GATAD1: variants seen among roughly 807,000 people sequenced by gnomAD.
GATAD1 encodes the protein GATA zinc finger domain containing 1.
Under a neutral mutation model 26.5 loss-of-function variants are expected in GATAD1, and 12 were observed. The ratio of observed to expected loss-of-function variants is 0.45; its 90% confidence interval spans 0.29 to 0.73. GATAD1 has a LOEUF of 0.73. Among genes scored for constraint, GATAD1 ranks in the 30% least tolerant of loss-of-function variants. GATAD1 has a pLI of 0.10. For missense variants in GATAD1, 266 were observed against 342.1 expected, an observed-to-expected ratio of 0.78 and a Z score of 1.75; for synonymous variants, 129 against 133.1, an observed-to-expected ratio of 0.97 and a Z score of 0.21.
chr7:92,468,312 G>T, the GATAD1 span: 1 of 175,508 alleles, frequency 5.7e-6, no homozygotes, highest in South Asian at 1.6e-4. Flanking sequence ...CTGCGGTGGC[G>T]GCAAACAGCA....
the GATAD1 span, among the ~76,000 whole-genome samples, chr7:92,482,349 G>A: frequency 1.2e-3 from 189 of 152,304 alleles, no homozygotes; most frequent in African/African-American, 4.3e-3. Flanking sequence ...CTACAGGGTG[G>A]ATAGGCAAAA....
Position 92,458,298 on chromosome 7 carries a change from A to G in GATAD1, c.*1736A>G, listed in dbSNP as rs1360551761. 1 of 152,226 alleles carries G rather than the reference A, an allele frequency of 6.6e-6. No homozygotes were observed. The highest frequency in any genetic ancestry group is 1.5e-5 in the Non-Finnish European group (1 of 68,024). 9.4% of individuals were successfully genotyped at this position (152,226 alleles called of 1,614,324 possible). A position where few individuals can be genotyped will look rare whatever the true frequency, so the allele number is the denominator to read the frequency against. On this transcript the variant is annotated 3_prime_UTR_variant, in exon 5 of 5. Transcript: ENST00000287957. ...ATACTGCAGATAGTCAGCTTCACCA[A>G]AGCCGCAGAGGAAACATGTCGAGAT...
the GATAD1 span, among the ~76,000 whole-genome samples, chr7:92,467,482 C>T: frequency 1.3e-5 from 2 of 152,208 alleles, no homozygotes; most frequent in African/African-American, 4.8e-5. Flanking sequence ...AGTGCCCATC[C>T]TAAATTTGGA....
At chr7:92,477,366 G>A in the GATAD1 span, 12 of 152,392 alleles carry the variant, frequency 7.9e-5, no homozygotes, top group African/African-American at 2.9e-4. Flanking sequence ...AGTGAAAGTG[G>A]TCCAATATTA....
chr7:92,452,980 T>C lies in GATAD1; in HGVS notation c.436-1522T>C, dbSNP rs1254433697. ...TATATGATAAATAACTTTGGACTGA[T>C]GGCTGGGAGGAAGGACCAGCTATTG... is the stretch of plus-strand genomic sequence containing the variant. On this transcript the variant is annotated intron_variant, in intron 3 of 4. Coordinates refer to ENST00000287957, the MANE Select transcript of GATAD1 (RefSeq NM_021167.5). Among the ~76,000 whole-genome samples, 3 of 152,220 alleles carry C rather than the reference T, an allele frequency of 2.0e-5. No individual in the cohort carries two copies. In the East Asian group the frequency reaches 5.8e-4, roughly 29 times the overall value.
Position 92,454,772 on chromosome 7 carries a change from G to A in GATAD1, c.619+87G>A, listed in dbSNP as rs756533839. ...AAGAGTGTGTTAGTCAGCTTGGGCTGTCAGGACAAAATATCACAGACTGAG... is the reference window on the plus strand; with the variant it reads ...AAGAGTGTGTTAGTCAGCTTGGGCTATCAGGACAAAATATCACAGACTGAG... On this transcript the variant is annotated intron_variant, in intron 4 of 4. Coordinates refer to ENST00000287957, the MANE Select transcript of GATAD1 (RefSeq NM_021167.5). The A allele has an allele frequency of 6.6e-6, 6 of 914,908 alleles. No individual in the cohort carries two copies. In the Admixed American group the frequency reaches 8.3e-5, roughly 13 times the overall value. The allele number at this position is 914,908 out of a possible 1,614,324, so 56.7% of individuals were successfully genotyped here.
the GATAD1 span, chr7:92,470,657 A>G: frequency 3.1e-6 from 1 of 320,616 alleles, no homozygotes. Flanking sequence ...ACCATGTCAC[A>G]AGGGTGGAAT....
At position 92,447,713 on chromosome 7, in the gene GATAD1, C is replaced by A; in HGVS notation, c.-17C>A. 6.9e-7 allele frequency: 1 copy of A among 1,449,508 alleles called. No homozygotes were observed. The highest frequency in any genetic ancestry group is 1.4e-5 in the South Asian group (1 of 72,920). 89.8% of individuals were successfully genotyped at this position (1,449,508 alleles called of 1,614,324 possible). On this transcript the variant is annotated 5_prime_UTR_variant, in exon 1 of 5. Coordinates refer to ENST00000287957, the MANE Select transcript of GATAD1 (RefSeq NM_021167.5). ...CCCGTGTCTCTGCGCCCGCGGGGGC[C>A]GCCCGAGCCGGCCACCATGCCGCTG...
At chr7:92,463,789 C>T (rs1562826401), downstream of GATAD1, among the ~76,000 whole-genome samples, 3 of 151,858 alleles carry the variant, frequency 2.0e-5, no homozygotes, top group South Asian at 2.1e-4. Context: ...GCCAACGTGG[C>T]GAAACCCCAT....
At chr7:92,469,408 A>G in the GATAD1 span, 25 of 771,072 alleles carry the variant, frequency 3.2e-5, no homozygotes, top group African/African-American at 8.5e-5. Flanking sequence ...TCCTGCTCCT[A>G]TAACAAAAGG....
rs1200809118 is a variant in GATAD1 at position 92,459,720 on chromosome 7, CCTCA to C, written c.*3162_*3165del. ...ACATTTAAGTTTCTACTTCCATCAT[CCTCA>C]CTCCTATCCCTTTGGTCCTGGGATG... On this transcript the variant is annotated 3_prime_UTR_variant, in exon 5 of 5. Coordinates refer to ENST00000287957, the MANE Select transcript of GATAD1 (RefSeq NM_021167.5). Among the ~76,000 whole-genome samples, 2 of 152,214 alleles carry C rather than the reference CCTCA, an allele frequency of 1.3e-5. No homozygotes were observed. Among genetic ancestry groups the C allele is most frequent in the East Asian group, 3.8e-4 (2 of 5,204 alleles).
At chr7:92,478,414 T>C in the GATAD1 span, among the ~76,000 whole-genome samples, 1 of 152,192 alleles carries the variant, frequency 6.6e-6, no homozygotes, top group East Asian at 1.9e-4. Flanking sequence ...CTATAGGATA[T>C]ACCACAACGT....
chr7:92,483,285 G>A, the GATAD1 span, among the ~76,000 whole-genome samples: 1 of 152,222 alleles, frequency 6.6e-6, no homozygotes, highest in Admixed American at 6.5e-5. Flanking sequence ...CTGGAGGAAC[G>A]CCTGGCTGCT....
chr7:92,450,576 G>A, intron 2 of GATAD1, 125 bp from the exon 3 acceptor site: 3 of 578,892 alleles, frequency 5.2e-6, no homozygotes, highest in South Asian at 4.6e-5. Context: ...TCTTTTTATT[G>A]CAGTTCTTGT....
At chr7:92,493,424 C>G in the GATAD1 span, 1 of 181,242 alleles carries the variant, frequency 5.5e-6, no homozygotes, top group Non-Finnish European at 1.1e-5. Context: ...CACTTGAGCC[C>G]TGGAGTTCAA....
chr7:92,452,345 T>G (rs989358413), intron 3 of GATAD1, among the ~76,000 whole-genome samples: 1 of 152,228 alleles, frequency 6.6e-6, no homozygotes, highest in African/African-American at 2.4e-5. Context: ...CCCAGTATTG[T>G]AGTGGCTATC....
At chr7:92,451,797 A>G (rs557356636) in intron 3 of GATAD1, among the ~76,000 whole-genome samples, 25 of 152,348 alleles carry the variant, frequency 1.6e-4, no homozygotes, top group South Asian at 6.2e-4. Flanking sequence ...AGTTCACTCT[A>G]TGAGGTGGAT....
chr7:92,490,588 T>C, the GATAD1 span, among the ~76,000 whole-genome samples: 1 of 143,332 alleles, frequency 7.0e-6, no homozygotes, highest in Non-Finnish European at 1.5e-5. Flanking sequence ...TGAGCCATAA[T>C]TGTGCCACTG....
chr7:92,482,888 T>C, the GATAD1 span, among the ~76,000 whole-genome samples: 1 of 151,950 alleles, frequency 6.6e-6, no homozygotes, highest in Non-Finnish European at 1.5e-5. Flanking sequence ...ACAACAGTTA[T>C]GGGGGAAAGG....
Sources: gnomAD v4.1 joint callset for allele counts (sites outside exome capture counted in the v4.1 genomes callset) on GRCh38, gnomAD v4.1.1 for gene constraint, MANE v1.5 for transcripts, NCBI Gene and HGNC (gene_info 2026-07-23, HGNC 2026-07-21) for gene names.